Variants in GALNTL6 observed in about 807,000 individuals in gnomAD.
GALNTL6 encodes the protein polypeptide N-acetylgalactosaminyltransferase like 6, also known as polypeptide N-acetylgalactosaminyltransferase-like 6.
GALNTL6 carries 46 observed loss-of-function variants against 73.7 expected under a neutral mutation model. The ratio of observed to expected loss-of-function variants is 0.62; its 90% CI spans 0.49 to 0.80. The LOEUF is 0.80. Ranked by LOEUF, GALNTL6 falls within the 30% of genes least tolerant of loss-of-function variation. GALNTL6 has a pLI of 0.00. For missense variants in GALNTL6, 604 were observed against 755.0 expected (o/e 0.80, Z 2.34); for synonymous variants, 259 against 263.7 (o/e 0.98, Z 0.17).
intron 2 of GALNTL6, among the ~76,000 whole-genome samples, chr4:171,835,574 G>A (rs960296477): frequency 5.3e-5 from 8 of 151,810 alleles, no homozygotes; most frequent in Non-Finnish European, 7.4e-5. Context: ...TATAGTGGTC[G>A]AGATCATTAT....
chr4:172,076,573 ACT>A (rs948782863), intron 2 of GALNTL6, among the ~76,000 whole-genome samples: 3 of 152,198 alleles, frequency 2.0e-5, no homozygotes, highest in African/African-American at 4.8e-5. Context: ...CCACATCTGT[ACT>A]GTCACTAAAA....
At chr4:171,925,385 C>T (rs1409170880) in intron 2 of GALNTL6, among the ~76,000 whole-genome samples, 1 of 152,126 alleles carries the variant, frequency 6.6e-6, no homozygotes, top group South Asian at 2.1e-4. Flanking sequence ...AAGATAATGG[C>T]CTGAATTAAG....
At chr4:172,290,670 T>G (rs563487007) in intron 3 of GALNTL6, among the ~76,000 whole-genome samples, 1 of 152,118 alleles carries the variant, frequency 6.6e-6, no homozygotes, top group South Asian at 2.1e-4. Context: ...TAAATGTGTA[T>G]AAAATGTCTA....
chr4:172,572,739 A>C (rs1179050258), intron 5 of GALNTL6, among the ~76,000 whole-genome samples: 1 of 152,104 alleles, frequency 6.6e-6, no homozygotes, highest in Non-Finnish European at 1.5e-5. Context: ...CGAATGTTCC[A>C]TCTGAAAAAC....
At position 172,546,800 on chromosome 4, in the gene GALNTL6, A is replaced by ATATATACT. The variant is rs1554034207; in HGVS notation, c.553+198118_553+198119insTTATATAC. Among the ~76,000 whole-genome samples the ATATATACT allele has an allele frequency of 5.0e-5, 4 of 79,548 alleles. 1 individual carries two copies. The highest frequency in any genetic ancestry group is 1.1e-4 in the Non-Finnish European group (4 of 36,638). 52.2% of individuals were successfully genotyped at this position (79,548 alleles called of 152,430 possible). ...AACTCCGCTTTATATATATATACGTATATATACGTATATATATACGTATAT... is the reference window on the plus strand; with the variant it reads ...AACTCCGCTTTATATATATATACGTATATATACTTATATACGTATATATATACGTATAT... On this transcript the variant is annotated intron_variant, in intron 5 of 12. Coordinates refer to ENST00000506823, the MANE Select transcript of GALNTL6 (RefSeq NM_001034845.3).
chr4:172,898,313 C>T (rs1266050661), intron 8 of GALNTL6, among the ~76,000 whole-genome samples: 1 of 151,268 alleles, frequency 6.6e-6, no homozygotes, highest in East Asian at 1.9e-4. Flanking sequence ...CACACACACA[C>T]ACACACACAC....
intron 5 of GALNTL6, among the ~76,000 whole-genome samples, chr4:172,707,084 A>G (rs569439109): frequency 1.3e-5 from 2 of 152,152 alleles, no homozygotes; most frequent in East Asian, 3.9e-4. Context: ...GTCCACGGGG[A>G]CTTTTCCACA....
chr4:172,916,865 A>C (rs1421747121), intron 8 of GALNTL6, among the ~76,000 whole-genome samples: 1 of 152,194 alleles, frequency 6.6e-6, no homozygotes, highest in Non-Finnish European at 1.5e-5. Flanking sequence ...TCAAGCTACC[A>C]ATGACTTTCT....
In GALNTL6 at chr4:172,060,024, T is replaced by A. The variant is rs370662032; in HGVS notation, c.139-169632T>A. ...TCACTTAACTAAAATTTGGCTCAGG[T>A]AGGAATAAGTTACTTTTCCTAAAAT... On this transcript the variant is annotated intron_variant, in intron 2 of 12. Coordinates refer to ENST00000506823, the MANE Select transcript of GALNTL6 (RefSeq NM_001034845.3). Among the ~76,000 whole-genome samples, 20 of 152,316 alleles carry A rather than the reference T, an allele frequency of 1.3e-4. No individual in the cohort carries two copies. The East Asian group carries it at 3.9e-3, about 29-fold the overall frequency.
chr4:172,366,583 T>C (rs907875880), intron 5 of GALNTL6, among the ~76,000 whole-genome samples: 6 of 152,186 alleles, frequency 3.9e-5, no homozygotes, highest in African/African-American at 9.6e-5. Context: ...CTGACATCCT[T>C]GTAGTAAGAT....
intron 5 of GALNTL6, among the ~76,000 whole-genome samples, chr4:172,676,466 G>A (rs1373811472): frequency 6.6e-6 from 1 of 152,168 alleles, no homozygotes; most frequent in Admixed American, 6.5e-5. Flanking sequence ...CATTTACAGA[G>A]CCAGATTGGG....
rs1030108062 is a variant in GALNTL6 at position 172,559,026 on chromosome 4, A to G, written c.553+210337A>G. Among the ~76,000 whole-genome samples the G allele has an allele frequency of 2.0e-5, 3 of 146,376 alleles. No homozygotes were observed. In the East Asian group the frequency reaches 6.2e-4, roughly 30 times the overall value. On this transcript the variant is annotated intron_variant, in intron 5 of 12. Coordinates refer to ENST00000506823, the MANE Select transcript of GALNTL6 (RefSeq NM_001034845.3). ...AGATTTACATAAAATTTCCTGAGATATAAGTGGTAAGGATGATGATAATGA... is the reference window on the plus strand; with the variant it reads ...AGATTTACATAAAATTTCCTGAGATGTAAGTGGTAAGGATGATGATAATGA...
intron 2 of GALNTL6, among the ~76,000 whole-genome samples, chr4:172,032,534 A>T (rs1247837995): frequency 6.6e-6 from 1 of 152,082 alleles, no homozygotes; most frequent in Non-Finnish European, 1.5e-5. Flanking sequence ...TTTAATTCTT[A>T]TCTATGTTTC....
At chr4:171,878,723 C>T (rs1421997435) in intron 2 of GALNTL6, among the ~76,000 whole-genome samples, 1 of 151,932 alleles carries the variant, frequency 6.6e-6, no homozygotes, top group Non-Finnish European at 1.5e-5. Flanking sequence ...GCTCTGTGTC[C>T]CCACAAAAAT....
At chr4:172,824,501 T>C (rs149013032) in intron 7 of GALNTL6, among the ~76,000 whole-genome samples, 7 of 152,146 alleles carry the variant, frequency 4.6e-5, no homozygotes, top group Non-Finnish European at 1.0e-4. Flanking sequence ...TATGTGAGTA[T>C]ATATATTATT....
At chr4:172,349,777 C>A (rs887567126) in intron 5 of GALNTL6, among the ~76,000 whole-genome samples, 2 of 151,274 alleles carry the variant, frequency 1.3e-5, no homozygotes, top group Non-Finnish European at 2.9e-5. Context: ...GAGATCGCAC[C>A]ACTGAACTCC....
Position 173,006,340 on chromosome 4 carries a change from C to A in GALNTL6, c.1372-2838C>A, listed in dbSNP as rs144968417. On this transcript the variant is annotated intron_variant, in intron 10 of 12. Coordinates refer to ENST00000506823, the MANE Select transcript of GALNTL6 (RefSeq NM_001034845.3). Reference sequence around the variant, plus strand: ...AATGGCCCAAGAATGAAAAGAAAGGCCTGCTCAGAGTTCTGTCAGGTAGCT... The same window carrying A: ...AATGGCCCAAGAATGAAAAGAAAGGACTGCTCAGAGTTCTGTCAGGTAGCT... Among the ~76,000 whole-genome samples the A allele has an allele frequency of 6.2e-4, 94 of 152,192 alleles. No individual in the cohort carries two copies. The South Asian group carries it at 7.9e-3, about 13-fold the overall frequency.
At chr4:172,018,631 C>G (rs1467093696) in intron 2 of GALNTL6, among the ~76,000 whole-genome samples, 5 of 152,076 alleles carry the variant, frequency 3.3e-5, no homozygotes, top group African/African-American at 4.8e-5. Context: ...AGGCCATAAG[C>G]TTCAATGCTG....
rs201908596 is a variant in GALNTL6, at chr4:171,861,196, C to A, written c.138+46478C>A. On this transcript the variant is annotated intron_variant, in intron 2 of 12. Transcript: ENST00000506823. ...CTGAAAGGCGCCCCAGATAGGAAGC[C>A]AGTATGAAGAGAGAGTTTACCTCCT... Among the ~76,000 whole-genome samples the A allele has an allele frequency of 2.5e-4, 38 of 152,216 alleles. No individual in the cohort carries two copies. In the East Asian group the frequency reaches 6.8e-3, roughly 27 times the overall value.
Sources: allele counts gnomAD v4.1 joint callset (sites outside exome capture counted in the v4.1 genomes callset), GRCh38; gene constraint gnomAD v4.1.1; transcripts MANE v1.5; gene names NCBI Gene and HGNC (gene_info 2026-07-23, HGNC 2026-07-21).